The following NR6A1 variants were observed in gnomAD, a reference collection of about 807,000 sequenced individuals.
NR6A1 encodes the protein nuclear receptor subfamily 6 group A member 1.
Under a neutral mutation model 59.1 loss-of-function variants are expected in NR6A1, and 7 were observed. That is an observed-to-expected ratio of 0.12 (90% CI 0.07 to 0.22). The LOEUF (loss-of-function observed/expected upper bound fraction) is 0.22, where lower values mean the gene tolerates loss of function less well. Among genes scored for constraint, NR6A1 ranks in the 10% least tolerant of loss-of-function variants. The pLI is 1.00. For synonymous variants in NR6A1, 243 were observed against 236.1 expected (o/e 1.03, Z -0.27); for missense variants, 468 against 611.6 (o/e 0.77, Z 2.48).
At chr9:124,567,693 C>T (rs953756726) in intron 2 of NR6A1, among the ~76,000 whole-genome samples, 1 of 151,962 alleles carries the variant, frequency 6.6e-6, no homozygotes, top group African/African-American at 2.4e-5. Flanking sequence ...CTAGTTAGGA[C>T]AAAAACCATA....
chr9:124,620,394 A>G (rs1733312954), intron 2 of NR6A1, among the ~76,000 whole-genome samples: 2 of 152,370 alleles, frequency 1.3e-5, no homozygotes, highest in Admixed American at 1.3e-4. Flanking sequence ...AAAGACTTGC[A>G]TGTGAATGTT....
intron 2 of NR6A1, among the ~76,000 whole-genome samples, chr9:124,644,479 T>C (rs1836874800): frequency 6.6e-6 from 1 of 151,938 alleles, no homozygotes; most frequent in African/African-American, 2.4e-5. Context: ...CTCGAACTCC[T>C]GACCTCAGGT....
chr9:124,566,368 ATTTATC>A (rs922008660), intron 2 of NR6A1, among the ~76,000 whole-genome samples: 2 of 152,164 alleles, frequency 1.3e-5, no homozygotes, highest in African/African-American at 4.8e-5. Context: ...TATTTTATCT[ATTTATC>A]TTTAAGTATT....
chr9:124,660,779 G>C (rs916929937), intron 2 of NR6A1, among the ~76,000 whole-genome samples: 1 of 151,724 alleles, frequency 6.6e-6, no homozygotes, highest in Non-Finnish European at 1.5e-5. Context: ...CCATGTGCTC[G>C]CTTTTCTCAC....
At chr9:124,744,252 A>G (rs956528602) in intron 1 of NR6A1, among the ~76,000 whole-genome samples, 1 of 152,206 alleles carries the variant, frequency 6.6e-6, no homozygotes, top group Non-Finnish European at 1.5e-5. Flanking sequence ...AAAAGAAAAG[A>G]AAAGAAATTT....
At chr9:124,682,766 G>A (rs550441584) in intron 2 of NR6A1, among the ~76,000 whole-genome samples, 75 of 152,324 alleles carry the variant, frequency 4.9e-4, no homozygotes, top group Non-Finnish European at 8.8e-4. Flanking sequence ...ACTGGGACCA[G>A]AAAGTTTGAA....
At position 124,574,516 on chromosome 9, in the gene NR6A1, A is replaced by G. The variant is rs555363550; in HGVS notation, c.143-19946T>C. Among the ~76,000 whole-genome samples, 14 of 152,292 alleles carry G rather than the reference A, an allele frequency of 9.2e-5. No homozygotes were observed. The Middle Eastern group carries it at 0.01, about 111-fold the overall frequency. On this transcript the variant is annotated intron_variant, in intron 2 of 9. Coordinates refer to ENST00000487099, the MANE Select transcript of NR6A1 (RefSeq NM_033334.4). ...GATAAAGAGCTTACTTCCTTATTTG[A>G]TGCTAAAATATAATTCCCTGCAATG... is the stretch of plus-strand genomic sequence containing the variant.
intron 4 of NR6A1, 50 bp downstream of exon 4, chr9:124,543,752 G>C: frequency 6.9e-7 from 1 of 1,444,178 alleles, no homozygotes; most frequent in Non-Finnish European, 9.5e-7. Context: ...GGAACAGCTG[G>C]AGCCCTGGGC....
chr9:124,690,207 T>C (rs1299505608), intron 2 of NR6A1, among the ~76,000 whole-genome samples: 1 of 152,228 alleles, frequency 6.6e-6, no homozygotes, highest in Admixed American at 6.5e-5. Flanking sequence ...TATTAGCTAC[T>C]AATCACTCAA....
At chr9:124,698,660 A>G (rs1838841345) in intron 2 of NR6A1, 1 of 152,034 alleles carries the variant, frequency 6.6e-6, no homozygotes, top group Non-Finnish European at 1.5e-5. Flanking sequence ...TATCAAACGA[A>G]TTTTCTTGTA....
chr9:124,708,718 T>G (rs1214727866), intron 2 of NR6A1, among the ~76,000 whole-genome samples: 1 of 152,224 alleles, frequency 6.6e-6, no homozygotes, highest in Non-Finnish European at 1.5e-5. Flanking sequence ...ATATATAAGC[T>G]GGACAAGCCC....
chr9:124,572,475 C>T (rs2131434075), intron 2 of NR6A1, among the ~76,000 whole-genome samples: 1 of 152,226 alleles, frequency 6.6e-6, no homozygotes, highest in East Asian at 1.9e-4. Context: ...GATGAGAGAA[C>T]CTCCATTTTG....
intron 5 of NR6A1, among the ~76,000 whole-genome samples, chr9:124,539,589 G>C (rs569714549): frequency 5.9e-5 from 9 of 152,194 alleles, no homozygotes; most frequent in Non-Finnish European, 1.3e-4. Flanking sequence ...TGTATTCTCT[G>C]ATAGCAGCAA....
At chr9:124,674,200 C>A (rs1303803905) in intron 2 of NR6A1, among the ~76,000 whole-genome samples, 2 of 152,070 alleles carry the variant, frequency 1.3e-5, no homozygotes, top group African/African-American at 2.4e-5. Context: ...AAAATGGAGA[C>A]CAATTCACAC....
At chr9:124,555,992 GGAGGTGGCTT>G in intron 2 of NR6A1, among the ~76,000 whole-genome samples, 1 of 152,350 alleles carries the variant, frequency 6.6e-6, no homozygotes, top group Non-Finnish European at 1.5e-5. Flanking sequence ...TGCAGAGAAA[GGAGGTGGCTT>G]GCATTTCTGG....
intron 1 of NR6A1, among the ~76,000 whole-genome samples, chr9:124,734,286 C>T (rs1401495857): frequency 1.3e-5 from 2 of 152,350 alleles, no homozygotes; most frequent in East Asian, 1.9e-4. Context: ...TCCATGAGGG[C>T]GGGGATCCGA....
At chr9:124,532,977 T>A (rs1833143505) in intron 7 of NR6A1, among the ~76,000 whole-genome samples, 1 of 152,238 alleles carries the variant, frequency 6.6e-6, no homozygotes, top group Non-Finnish European at 1.5e-5. Flanking sequence ...CTTCTGCTGT[T>A]ACTGACTTCT....
intron 1 of NR6A1, among the ~76,000 whole-genome samples, chr9:124,769,101 T>C (rs1365666629): frequency 2.0e-5 from 3 of 152,228 alleles, no homozygotes; most frequent in Admixed American, 2.0e-4. Context: ...GTTCCTATTA[T>C]ACTGTCTCCT....
chr9:124,582,376 G>A (rs969862005), intron 2 of NR6A1, among the ~76,000 whole-genome samples: 3 of 152,086 alleles, frequency 2.0e-5, no homozygotes, highest in Non-Finnish European at 4.4e-5. Flanking sequence ...GAGAACACAC[G>A]GACACATAGA....
Sources: allele counts gnomAD v4.1 joint callset (sites outside exome capture counted in the v4.1 genomes callset), GRCh38; gene constraint gnomAD v4.1.1; transcripts MANE v1.5; gene names NCBI Gene and HGNC (gene_info 2026-07-23, HGNC 2026-07-21).